GRM7: variants seen among roughly 807,000 people sequenced by gnomAD.
The protein encoded by GRM7 is glutamate metabotropic receptor 7.
A neutral mutation model predicts 84.5 loss-of-function variants in GRM7; 35 were observed. That is an observed-to-expected ratio of 0.41 (90% CI 0.32 to 0.55). The LOEUF (loss-of-function observed/expected upper bound fraction) is 0.55. Among genes scored for constraint, GRM7 ranks in the 20% least tolerant of loss-of-function variants. The probability of loss-of-function intolerance (pLI) is 0.19; values close to 1 mark genes in which losing one functional copy is unlikely to be tolerated. For missense variants in GRM7, 1,003 were observed against 1,194.6 expected (o/e 0.84, Z 2.36); for synonymous variants, 487 against 455.1 (o/e 1.07, Z -0.89).
chr3:7,616,462 T>G (rs980378443), intron 8 of GRM7, among the ~76,000 whole-genome samples: 2 of 152,140 alleles, frequency 1.3e-5, no homozygotes, highest in Non-Finnish European at 2.9e-5. Flanking sequence ...TTTCACTCAC[T>G]GCTCAAAACT....
chr3:7,169,240 A>G (rs551236841), intron 2 of GRM7, among the ~76,000 whole-genome samples: 2 of 152,314 alleles, frequency 1.3e-5, no homozygotes, highest in African/African-American at 2.4e-5. Flanking sequence ...AAACAAAAGA[A>G]TATCAAAAGT....
chr3:7,488,618 G>A (rs1056654155), intron 7 of GRM7, among the ~76,000 whole-genome samples: 2 of 152,108 alleles, frequency 1.3e-5, no homozygotes, highest in Non-Finnish European at 2.9e-5. Flanking sequence ...GCAGCATGAG[G>A]CCCCCGCCAA....
chr3:7,471,185 G>C (rs1170237920), intron 7 of GRM7, among the ~76,000 whole-genome samples: 2 of 150,134 alleles, frequency 1.3e-5, no homozygotes, highest in Admixed American at 6.7e-5. Flanking sequence ...CATGTTTCTT[G>C]TATTAGTTTT....
chr3:7,201,511 G>T (rs1025722918), intron 2 of GRM7, among the ~76,000 whole-genome samples: 1 of 152,080 alleles, frequency 6.6e-6, no homozygotes, highest in African/African-American at 2.4e-5. Flanking sequence ...CCTCTATAGA[G>T]GCCACAAGTT....
chr3:7,550,573 C>CTGTGTGTGTG (rs1212112309), intron 7 of GRM7, among the ~76,000 whole-genome samples: 8 of 60,630 alleles, frequency 1.3e-4, no homozygotes, highest in African/African-American at 3.6e-4. Flanking sequence ...CTCTCTCTCT[C>CTGTGTGTGTG]TCTCTGTGTG....
At chr3:7,562,285 G>T (rs1694057913) in intron 7 of GRM7, among the ~76,000 whole-genome samples, 1 of 151,710 alleles carries the variant, frequency 6.6e-6, no homozygotes. Context: ...CAAAGGCATG[G>T]ACACGATGTG....
intron 7 of GRM7, among the ~76,000 whole-genome samples, chr3:7,478,864 T>C (rs1010028930): frequency 1.3e-5 from 2 of 152,204 alleles, no homozygotes; most frequent in South Asian, 2.1e-4. Context: ...AGCTTTTGTT[T>C]TACTGACTCC....
intron 4 of GRM7, among the ~76,000 whole-genome samples, chr3:7,372,344 TC>T (rs1316115677): frequency 6.6e-6 from 1 of 152,166 alleles, no homozygotes; most frequent in Non-Finnish European, 1.5e-5. Flanking sequence ...CCATTTTGTG[TC>T]CTCAGTTGTG....
chr3:7,408,924 C>T (rs1393857673), intron 4 of GRM7, among the ~76,000 whole-genome samples: 1 of 152,182 alleles, frequency 6.6e-6, no homozygotes, highest in Non-Finnish European at 1.5e-5. Flanking sequence ...TTCCAAATAT[C>T]CAACTGGTTG....
chr3:7,443,011 A>T, intron 5 of GRM7, among the ~76,000 whole-genome samples: 2 of 137,172 alleles, frequency 1.5e-5, no homozygotes, highest in Non-Finnish European at 1.6e-5. Flanking sequence ...CTTCTTTTTT[A>T]TTTTCCTCAT....
At chr3:7,339,128 A>T (rs978018389) in intron 4 of GRM7, among the ~76,000 whole-genome samples, 1 of 152,118 alleles carries the variant, frequency 6.6e-6, no homozygotes, top group Admixed American at 6.6e-5. Context: ...CTAGGTAGGG[A>T]TATGATTACA....
chr3:7,657,848 T>C lies in GRM7; in HGVS notation c.2452-22201T>C, dbSNP rs560043262. Among the ~76,000 whole-genome samples, 3 of 152,252 alleles carry C rather than the reference T, an allele frequency of 2.0e-5. No individual in the cohort carries two copies. The East Asian group carries it at 5.8e-4, about 29-fold the overall frequency. On this transcript the variant is annotated intron_variant, in intron 8 of 9. Coordinates refer to ENST00000357716, the MANE Select transcript of GRM7 (RefSeq NM_000844.4). Reference sequence around the variant, plus strand: ...GCTTTTAAGTTTCAGTCCTGGCCAATGAGAGTTGGAGCACTGGTCTCAATA... The same window carrying C: ...GCTTTTAAGTTTCAGTCCTGGCCAACGAGAGTTGGAGCACTGGTCTCAATA...
chr3:7,260,482 T>G (rs1698378857), intron 2 of GRM7, among the ~76,000 whole-genome samples: 2 of 152,210 alleles, frequency 1.3e-5, no homozygotes, highest in Non-Finnish European at 2.9e-5. Context: ...TTTTCTAGTT[T>G]GTGTGCATAA....
chr3:7,680,085 A>G lies in GRM7; in HGVS notation c.2488A>G (p.Asn830Asp). The G allele has an allele frequency of 1.9e-6, 3 of 1,613,960 alleles. No individual in the cohort carries two copies. The highest frequency in any genetic ancestry group is 2.5e-6 in the Non-Finnish European group (3 of 1,179,860). Residue 830 changes from asparagine (N) to aspartate (D), a missense_variant, in exon 9 of 10, where the codon AAC (asparagine) becomes GAC (aspartate). By Grantham distance (23) the Asn-to-Asp change is conservative (BLOSUM62 1). Coordinates refer to ENST00000357716, the MANE Select transcript of GRM7 (RefSeq NM_000844.4). ...IQTTTLTISM[N>D]LSASVALGML... ...AACTACCACGCTTACAATCTCCATG[A>G]ACCTAAGTGCATCAGTGGCGCTGGG...
intron 5 of GRM7, among the ~76,000 whole-genome samples, chr3:7,442,112 G>A (rs980394800): frequency 1.3e-5 from 2 of 151,814 alleles, no homozygotes; most frequent in African/African-American, 4.8e-5. Flanking sequence ...TCCTATTCAT[G>A]GACATAGAAT....
intron 1 of GRM7, among the ~76,000 whole-genome samples, chr3:6,959,977 C>T (rs1262336528): frequency 1.3e-5 from 2 of 152,152 alleles, no homozygotes. Flanking sequence ...CATCTAAAAA[C>T]TGGAGGAGGT....
intron 5 of GRM7, among the ~76,000 whole-genome samples, chr3:7,444,921 A>G (rs1053120944): frequency 2.6e-5 from 4 of 152,208 alleles, no homozygotes; most frequent in Non-Finnish European, 4.4e-5. Flanking sequence ...CAGAGCACTC[A>G]GTACTTCTGC....
chr3:7,733,403 C>T (rs1455111959), intron 9 of GRM7, among the ~76,000 whole-genome samples: 5 of 152,224 alleles, frequency 3.3e-5, no homozygotes, highest in African/African-American at 2.4e-5. Context: ...AGATGCCAGG[C>T]TCTTCCCCTG....
intron 9 of GRM7, among the ~76,000 whole-genome samples, chr3:7,698,033 G>A (rs1007541794): frequency 1.3e-5 from 2 of 152,208 alleles, no homozygotes; most frequent in African/African-American, 2.4e-5. Flanking sequence ...ACTCTTGTTA[G>A]GGACTCTGCA....
Sources: gnomAD v4.1 joint callset for allele counts (sites outside exome capture counted in the v4.1 genomes callset) on GRCh38, gnomAD v4.1.1 for gene constraint, MANE v1.5 for transcripts, NCBI Gene and HGNC (gene_info 2026-07-23, HGNC 2026-07-21) for gene names.